The following GRM7 variants were observed in gnomAD, a reference collection of about 807,000 sequenced individuals.
The protein encoded by GRM7 is metabotropic glutamate receptor 7.
Under a neutral mutation model 84.5 loss-of-function variants are expected in GRM7, and 35 were observed. The ratio of observed to expected loss-of-function variants is 0.41; its 90% CI spans 0.32 to 0.55. The LOEUF (loss-of-function observed/expected upper bound fraction) is 0.55, where lower values mean the gene tolerates loss of function less well. Among genes scored for constraint, GRM7 ranks in the 20% least tolerant of loss-of-function variants. The pLI is 0.19. For synonymous variants in GRM7, 487 were observed against 455.1 expected, an observed-to-expected ratio of 1.07 and a Z score of -0.89; for missense variants, 1,003 against 1,194.6, an observed-to-expected ratio of 0.84 and a Z score of 2.36.
intron 8 of GRM7, among the ~76,000 whole-genome samples, chr3:7,610,616 C>T (rs537386761): frequency 9.2e-5 from 14 of 152,232 alleles, no homozygotes; most frequent in Middle Eastern, 3.4e-3. Flanking sequence ...CCAGGAAAAA[C>T]ATCAGCTATT....
intron 8 of GRM7, among the ~76,000 whole-genome samples, chr3:7,668,664 G>A (rs1575611400): frequency 1.3e-5 from 2 of 152,222 alleles, no homozygotes; most frequent in Non-Finnish European, 2.9e-5. Flanking sequence ...GAAGAAGAAA[G>A]CACAGGCAAA....
At chr3:7,626,924 CT>C (rs34233877) in intron 8 of GRM7, among the ~76,000 whole-genome samples, 82,770 of 143,446 alleles carry the variant, frequency 0.58, 23,623 homozygotes, top group East Asian at 0.72. Context: ...ATGAGCACCT[CT>C]TTTTTTTTTT....
At chr3:7,592,235 A>G (rs190974907) in intron 8 of GRM7, among the ~76,000 whole-genome samples, 264 of 152,254 alleles carry the variant, frequency 1.7e-3, no homozygotes, top group Non-Finnish European at 2.9e-3. Context: ...AAATATAAGG[A>G]GAATATCAGA....
Position 6,863,260 on chromosome 3 carries a change from C to A in GRM7, c.519+1353C>A, listed in dbSNP as rs1166010131. 6.6e-6 allele frequency among the ~76,000 whole-genome samples: 1 copy of A among 152,124 alleles called. No individual in the cohort carries two copies. The highest frequency in any genetic ancestry group is 1.5e-5 in the Non-Finnish European group (1 of 68,038). ...CAGTGCATAGCGGCTCTCTCCCTGG[C>A]TGGTGGTACCCAAACCTAGTTAATC... On this transcript the variant is annotated intron_variant, in intron 1 of 9. Transcript: ENST00000357716. The surrounding 1 kb of genome is among the most constrained non-coding windows in gnomAD (Gnocchi z 4.8).
In GRM7 at chr3:7,064,309, C is replaced by A. The variant is rs13327505; in HGVS notation, c.520-82143C>A. ...CCTTTGTGTATGCATAGCTTAGCCC[C>A]CACATATCAGTGAGAACATATGACA... On this transcript the variant is annotated intron_variant, in intron 1 of 9. Transcript: ENST00000357716. Among the ~76,000 whole-genome samples, 7 of 149,556 alleles carry A rather than the reference C, an allele frequency of 4.7e-5. No homozygotes were observed. The South Asian group carries it at 8.4e-4, about 18-fold the overall frequency.
chr3:7,000,045 G>A (rs890604301), intron 1 of GRM7, among the ~76,000 whole-genome samples: 2 of 151,962 alleles, frequency 1.3e-5, no homozygotes, highest in Non-Finnish European at 2.9e-5. Context: ...ATTATATGCT[G>A]TATGAATATA....
chr3:7,633,784 G>A (rs920811510), intron 8 of GRM7, among the ~76,000 whole-genome samples: 2 of 152,044 alleles, frequency 1.3e-5, no homozygotes, highest in Non-Finnish European at 2.9e-5. Context: ...TGTCTGATTT[G>A]TCAACAAATC....
intron 9 of GRM7, among the ~76,000 whole-genome samples, chr3:7,706,344 C>T (rs902454425): frequency 4.6e-5 from 7 of 152,032 alleles, no homozygotes; most frequent in African/African-American, 1.5e-4. Flanking sequence ...ATATGTATGA[C>T]CCTATGCAGA....
At chr3:7,063,031 C>A (rs1307658146) in intron 1 of GRM7, among the ~76,000 whole-genome samples, 3 of 151,696 alleles carry the variant, frequency 2.0e-5, no homozygotes, top group Non-Finnish European at 2.9e-5. Context: ...TGTAAGAAAA[C>A]CACTGAGCAG....
At chr3:7,037,954 A>C (rs1400485474) in intron 1 of GRM7, among the ~76,000 whole-genome samples, 2 of 152,178 alleles carry the variant, frequency 1.3e-5, no homozygotes, top group East Asian at 3.9e-4. Flanking sequence ...CTTCTATAAT[A>C]ATTTAAATAG....
intron 7 of GRM7, among the ~76,000 whole-genome samples, chr3:7,469,810 G>C (rs1698622902): frequency 6.6e-6 from 1 of 152,152 alleles, no homozygotes; most frequent in Non-Finnish European, 1.5e-5. Flanking sequence ...ATCAAAAATA[G>C]TACTGTTATT....
chr3:7,398,822 T>C (rs1006703897), intron 4 of GRM7, among the ~76,000 whole-genome samples: 12 of 152,076 alleles, frequency 7.9e-5, no homozygotes, highest in African/African-American at 2.9e-4. Context: ...TCAGGTCCCA[T>C]GGCCATGAAG....
At chr3:7,558,332 T>A (rs1044474024) in intron 7 of GRM7, among the ~76,000 whole-genome samples, 1 of 151,586 alleles carries the variant, frequency 6.6e-6, no homozygotes, top group East Asian at 1.9e-4. Flanking sequence ...GAAAAGCAAA[T>A]CCTTTTTTGA....
chr3:7,585,277 C>A (rs1480674998), intron 8 of GRM7, among the ~76,000 whole-genome samples: 2 of 152,148 alleles, frequency 1.3e-5, no homozygotes, highest in African/African-American at 4.8e-5. Flanking sequence ...TTGGTGATAA[C>A]TGAGTTTCTC....
intron 7 of GRM7, among the ~76,000 whole-genome samples, chr3:7,477,964 C>CTGCT (rs1204441655): frequency 6.6e-6 from 1 of 152,068 alleles, no homozygotes; most frequent in Non-Finnish European, 1.5e-5. Flanking sequence ...TCCAATCTTC[C>CTGCT]TGCTCTTCCT....
chr3:7,645,292 T>G (rs919197334), intron 8 of GRM7, among the ~76,000 whole-genome samples: 2 of 152,062 alleles, frequency 1.3e-5, no homozygotes, highest in Non-Finnish European at 2.9e-5. Context: ...CTCACGCCTG[T>G]AATCCCAGCA....
At chr3:7,461,552 T>C (rs993538621) in intron 6 of GRM7, 31 bp from the exon 7 acceptor site, 40 of 1,587,420 alleles carry the variant, frequency 2.5e-5, no homozygotes, top group Non-Finnish European at 3.3e-5. Flanking sequence ...TGTTTAACTT[T>C]AGAATCTTTC....
At chr3:7,189,842 T>A (rs1168960497) in intron 2 of GRM7, among the ~76,000 whole-genome samples, 1 of 152,146 alleles carries the variant, frequency 6.6e-6, no homozygotes, top group Non-Finnish European at 1.5e-5. Flanking sequence ...CATTGCAACA[T>A]GAGGAATAGT....
At chr3:7,062,446 G>C (rs1697463147) in intron 1 of GRM7, among the ~76,000 whole-genome samples, 1 of 151,610 alleles carries the variant, frequency 6.6e-6, no homozygotes, top group South Asian at 2.1e-4. Flanking sequence ...GAATAAATAT[G>C]AAAAATATAG....
Sources: gnomAD v4.1 joint callset for allele counts (sites outside exome capture counted in the v4.1 genomes callset) on GRCh38, gnomAD v4.1.1 for gene constraint, Gnocchi (gnomAD v3.1) non-coding constraint, MANE v1.5 for transcripts, NCBI Gene and HGNC (gene_info 2026-07-23, HGNC 2026-07-21) for gene names.